Variants in THSD7B observed in about 807,000 individuals in gnomAD.
THSD7B encodes the protein thrombospondin type-1 domain-containing protein 7B.
Under a neutral mutation model 213.6 loss-of-function variants are expected in THSD7B, and 138 were observed. The ratio of observed to expected loss-of-function variants is 0.65; its 90% CI spans 0.56 to 0.74. The LOEUF (loss-of-function observed/expected upper bound fraction) is 0.74. THSD7B is among the 30% of genes least tolerant of loss of function. The pLI is 0.00. For synonymous variants in THSD7B, 742 were observed against 687.0 expected (o/e 1.08, Z -1.25); for missense variants, 1,931 against 1,991.5 (o/e 0.97, Z 0.58).
intron 15 of THSD7B, among the ~76,000 whole-genome samples, chr2:137,530,247 G>A (rs1306262550): frequency 2.6e-5 from 4 of 151,908 alleles, no homozygotes; most frequent in East Asian, 2.0e-4. Context: ...AAAATTGAAC[G>A]TTTCATGGAT....
At chr2:137,465,678 G>A (rs1344711753) in intron 15 of THSD7B, among the ~76,000 whole-genome samples, 1 of 152,072 alleles carries the variant, frequency 6.6e-6, no homozygotes, top group Non-Finnish European at 1.5e-5. Flanking sequence ...GAATGCAAGT[G>A]TAATAAGACA....
chr2:137,394,296 T>C (rs1686117599), intron 12 of THSD7B, among the ~76,000 whole-genome samples: 1 of 122,624 alleles, frequency 8.2e-6, no homozygotes, highest in Admixed American at 8.3e-5. Context: ...TGGTTTTAGG[T>C]CTAAGGTTTA....
At chr2:136,873,339 G>T (rs999193711) in intron 1 of THSD7B, among the ~76,000 whole-genome samples, 12 of 152,148 alleles carry the variant, frequency 7.9e-5, no homozygotes, top group Admixed American at 6.5e-4. Flanking sequence ...CACCGTTTAG[G>T]ATTCTTCAGT....
chr2:137,168,783 CAATA>C (rs1253931622), intron 6 of THSD7B, among the ~76,000 whole-genome samples: 1 of 152,180 alleles, frequency 6.6e-6, no homozygotes, highest in East Asian at 1.9e-4. Context: ...AAATATAAGA[CAATA>C]AATAAGCAGC....
rs1239913477 is a variant in THSD7B, at chr2:137,557,632, C to A, written c.3139-5589C>A. 5.9e-5 allele frequency among the ~76,000 whole-genome samples: 9 copies of A among 152,000 alleles called. No homozygotes were observed. In the South Asian group the frequency reaches 1.0e-3, roughly 18 times the overall value. ...AAGCAGGAAAGATCTAAAATTGACACCCTAACATCACAATTAAAAGAACTA... is the reference window on the plus strand; with the variant it reads ...AAGCAGGAAAGATCTAAAATTGACAACCTAACATCACAATTAAAAGAACTA... On this transcript the variant is annotated intron_variant, in intron 15 of 27. Transcript: ENST00000409968.
chr2:136,796,030 C>G (rs1682055903), intron 1 of THSD7B, among the ~76,000 whole-genome samples: 1 of 151,864 alleles, frequency 6.6e-6, no homozygotes, highest in Non-Finnish European at 1.5e-5. Context: ...CTCATTTACC[C>G]TCATCTCACC....
intron 12 of THSD7B, among the ~76,000 whole-genome samples, chr2:137,280,360 A>G (rs1207704403): frequency 6.6e-6 from 1 of 152,098 alleles, no homozygotes; most frequent in Non-Finnish European, 1.5e-5. Context: ...GAAAATACAA[A>G]TGTTGTCATA....
At chr2:137,034,142 G>T (rs1686727843) in intron 2 of THSD7B, among the ~76,000 whole-genome samples, 1 of 151,992 alleles carries the variant, frequency 6.6e-6, no homozygotes. Context: ...CCTTTTTTAT[G>T]GCTGCATAGT....
chr2:137,044,216 A>G (rs1467368555), intron 2 of THSD7B, among the ~76,000 whole-genome samples: 2 of 152,190 alleles, frequency 1.3e-5, no homozygotes, highest in African/African-American at 4.8e-5. Context: ...ATGTAATCAT[A>G]TCAACAATCT....
intron 1 of THSD7B, among the ~76,000 whole-genome samples, chr2:136,858,833 C>T (rs959883063): frequency 1.3e-5 from 2 of 152,172 alleles, no homozygotes; most frequent in South Asian, 2.1e-4. Flanking sequence ...ATGGTGCGCC[C>T]TTATTGAATT....
At chr2:137,212,405 T>A (rs1016804649) in intron 7 of THSD7B, among the ~76,000 whole-genome samples, 8 of 152,060 alleles carry the variant, frequency 5.3e-5, no homozygotes, top group Admixed American at 2.0e-4. Flanking sequence ...CAGAAAACTC[T>A]TCAGAATATT....
At chr2:136,919,543 T>C (rs563788483) in intron 2 of THSD7B, among the ~76,000 whole-genome samples, 1 of 152,338 alleles carries the variant, frequency 6.6e-6, no homozygotes, top group East Asian at 1.9e-4. Context: ...AGTACTTAAA[T>C]CTAGGATTGT....
chr2:136,819,416 A>T (rs1343166335), intron 1 of THSD7B, among the ~76,000 whole-genome samples: 1 of 152,118 alleles, frequency 6.6e-6, no homozygotes, highest in Admixed American at 6.5e-5. Flanking sequence ...TTTGTGACCC[A>T]GACTTTATCA....
intron 17 of THSD7B, among the ~76,000 whole-genome samples, chr2:137,587,366 C>T (rs187789977): frequency 6.6e-6 from 1 of 152,274 alleles, no homozygotes; most frequent in East Asian, 1.9e-4. Flanking sequence ...TAGCTTTGTT[C>T]CGTTGCTGGC....
chr2:137,420,079 C>A (rs960683257), intron 14 of THSD7B, among the ~76,000 whole-genome samples: 1 of 152,090 alleles, frequency 6.6e-6, no homozygotes, highest in Non-Finnish European at 1.5e-5. Flanking sequence ...TACGAGGGTT[C>A]CCCTTTCTCC....
intron 12 of THSD7B, among the ~76,000 whole-genome samples, chr2:137,404,950 G>A (rs1012005081): frequency 8.6e-5 from 13 of 151,708 alleles, no homozygotes; most frequent in African/African-American, 2.2e-4. Flanking sequence ...ACACATCTCC[G>A]CTAAAGAATT....
intron 12 of THSD7B, among the ~76,000 whole-genome samples, chr2:137,323,135 A>T (rs934155799): frequency 6.6e-6 from 1 of 152,370 alleles, no homozygotes; most frequent in East Asian, 1.9e-4. Context: ...GTGATGGATC[A>T]GGTTCAATCA....
At chr2:136,939,875 C>A (rs531259983) in intron 2 of THSD7B, among the ~76,000 whole-genome samples, 9 of 152,074 alleles carry the variant, frequency 5.9e-5, no homozygotes, top group African/African-American at 2.2e-4. Context: ...ACCACCACCC[C>A]CCGACACACA....
intron 3 of THSD7B, among the ~76,000 whole-genome samples, chr2:137,085,607 A>G (rs1687823361): frequency 6.6e-6 from 1 of 152,096 alleles, no homozygotes; most frequent in Non-Finnish European, 1.5e-5. Context: ...CACAGAAAAT[A>G]GAGCAAAAAT....
Sources: gnomAD v4.1 joint callset for allele counts (sites outside exome capture counted in the v4.1 genomes callset) on GRCh38, gnomAD v4.1.1 for gene constraint, MANE v1.5 for transcripts, NCBI Gene and HGNC (gene_info 2026-07-23, HGNC 2026-07-21) for gene names.